MAD1L1: variants seen among roughly 807,000 people sequenced by gnomAD.
MAD1L1 encodes the protein mitotic arrest deficient 1 like 1.
Under a neutral mutation model 96.9 loss-of-function variants are expected in MAD1L1, and 95 were observed. The ratio of observed to expected loss-of-function variants is 0.98; its 90% CI spans 0.83 to 1.16. The LOEUF (loss-of-function observed/expected upper bound fraction) is 1.16, where lower values mean the gene tolerates loss of function less well. MAD1L1 is among the 50% of genes most tolerant of loss of function. The probability of loss-of-function intolerance (pLI) is 0.00; values close to 1 mark genes in which losing one functional copy is unlikely to be tolerated. For synonymous variants in MAD1L1, 473 were observed against 396.6 expected (o/e 1.19, Z -2.29); for missense variants, 1,007 against 954.4 (o/e 1.06, Z -0.73).
At chr7:1,954,791 G>A (rs149788502) in intron 16 of MAD1L1, among the ~76,000 whole-genome samples, 7 of 152,290 alleles carry the variant, frequency 4.6e-5, no homozygotes, top group African/African-American at 1.2e-4. Flanking sequence ...CCAGAAGCCC[G>A]GCCAGCCACC....
intron 14 of MAD1L1, among the ~76,000 whole-genome samples, chr7:1,998,946 C>A (rs987260548): frequency 1.3e-5 from 2 of 150,604 alleles, no homozygotes; most frequent in African/African-American, 4.9e-5. Flanking sequence ...TCCACAGAGT[C>A]CCCTAACCCC....
At chr7:1,921,071 C>T (rs546133405) in intron 17 of MAD1L1, among the ~76,000 whole-genome samples, 2 of 152,212 alleles carry the variant, frequency 1.3e-5, no homozygotes, top group African/African-American at 4.8e-5. Context: ...GACTCAGGAC[C>T]CCTGCCCAGC....
chr7:1,904,296 A>G (rs1787477404), intron 17 of MAD1L1, among the ~76,000 whole-genome samples: 1 of 147,480 alleles, frequency 6.8e-6, no homozygotes, highest in African/African-American at 2.6e-5. Flanking sequence ...TGGCCTATGG[A>G]AGACGCTCTT....
intron 11 of MAD1L1, among the ~76,000 whole-genome samples, chr7:2,125,934 C>T (rs1788210966): frequency 6.6e-6 from 1 of 152,252 alleles, no homozygotes; most frequent in Admixed American, 6.5e-5. Context: ...GCCAGTTGGC[C>T]CCTGGGCCTC....
At chr7:1,985,384 G>A (rs1781093127) in intron 14 of MAD1L1, among the ~76,000 whole-genome samples, 1 of 152,228 alleles carries the variant, frequency 6.6e-6, no homozygotes, top group Non-Finnish European at 1.5e-5. Context: ...CACAGCACAG[G>A]CTCTTCCAGG....
chr7:1,847,227 C>T lies in MAD1L1; in HGVS notation c.1999-30999G>A, dbSNP rs147924402. On this transcript the variant is annotated intron_variant, in intron 18 of 18. Transcript: ENST00000265854. ...AAGGCCACACATCTTTTCCAACTGA[C>T]GCTTGTCCTTTTCTGTTTAGGAAGC... 1,650 of 470,332 alleles carry T rather than the reference C, an allele frequency of 3.5e-3. 39 individuals are homozygous for T. Among genetic ancestry groups the T allele is most frequent in the South Asian group, 0.023 (1,501 of 64,472 alleles). 29.1% of individuals were successfully genotyped at this position (470,332 alleles called of 1,614,324 possible).
intron 10 of MAD1L1, among the ~76,000 whole-genome samples, chr7:2,159,748 T>C (rs1163689497): frequency 2.0e-5 from 3 of 152,204 alleles, no homozygotes; most frequent in Admixed American, 1.3e-4. Context: ...ACAGGTTAAA[T>C]GTCGTAGTCT....
rs372044141 is a variant in MAD1L1 at position 1,816,260 on chromosome 7, C to T, written c.1999-32G>A. 4.1e-5 allele frequency: 66 copies of T among 1,595,210 alleles called. 1 individual carries two copies. The highest frequency in any genetic ancestry group is 2.2e-4 in the South Asian group (19 of 88,188). On this transcript the variant is annotated intron_variant, in intron 18 of 18. Transcript: ENST00000265854. ...GGCAGTCAAGAAAGAGACAAGACAG[C>T]GGTCAGCCCGACAGGCCTCTCCCTC... is the stretch of plus-strand genomic sequence containing the variant.
intron 13 of MAD1L1, among the ~76,000 whole-genome samples, chr7:2,003,025 G>T (rs1781870935): frequency 6.6e-6 from 1 of 151,208 alleles, no homozygotes; most frequent in Non-Finnish European, 1.5e-5. Context: ...CGAGGCAGGG[G>T]GCCTTGTGAG....
At chr7:2,053,526 G>A (rs1784272425) in intron 12 of MAD1L1, among the ~76,000 whole-genome samples, 1 of 152,232 alleles carries the variant, frequency 6.6e-6, no homozygotes, top group Admixed American at 6.5e-5. Context: ...GTTCCGGGAA[G>A]TAGAGAAGCT....
intron 9 of MAD1L1, among the ~76,000 whole-genome samples, chr7:2,215,443 C>A (rs1005493816): frequency 2.0e-4 from 30 of 151,192 alleles, no homozygotes; most frequent in Non-Finnish European, 4.3e-4. Context: ...AAATCCAAAA[C>A]GGGTCTCCCC....
At chr7:2,009,520 C>T (rs1782195172) in intron 13 of MAD1L1, among the ~76,000 whole-genome samples, 1 of 152,224 alleles carries the variant, frequency 6.6e-6, no homozygotes, top group Non-Finnish European at 1.5e-5. Flanking sequence ...CAGGAGGCGG[C>T]ACACCACAGG....
chr7:2,086,807 G>C (rs926379913), intron 11 of MAD1L1, among the ~76,000 whole-genome samples: 3 of 152,104 alleles, frequency 2.0e-5, no homozygotes, highest in Non-Finnish European at 4.4e-5. Context: ...CACCTGCCTC[G>C]GCCTCCCAAA....
chr7:2,167,722 A>T (rs981246514), intron 10 of MAD1L1, among the ~76,000 whole-genome samples: 63 of 150,886 alleles, frequency 4.2e-4, no homozygotes, highest in African/African-American at 1.3e-3. Flanking sequence ...CTCATCTCTT[A>T]AAAAAATTAA....
chr7:1,944,843 G>A (rs1292144470), intron 16 of MAD1L1, among the ~76,000 whole-genome samples: 1 of 152,214 alleles, frequency 6.6e-6, no homozygotes, highest in African/African-American at 2.4e-5. Context: ...TGGCTTCTTG[G>A]AGCCTGCAGG....
chr7:2,207,242 A>G (rs1792646172), intron 10 of MAD1L1, among the ~76,000 whole-genome samples: 1 of 152,256 alleles, frequency 6.6e-6, no homozygotes, highest in East Asian at 1.9e-4. Flanking sequence ...ACTCTGAAAT[A>G]TATATTTGGT....
At chr7:2,008,543 G>A (rs967012934) in intron 13 of MAD1L1, among the ~76,000 whole-genome samples, 13 of 152,248 alleles carry the variant, frequency 8.5e-5, no homozygotes, top group Admixed American at 7.8e-4. Context: ...GTTCTGATGC[G>A]GAGATGGTGG....
rs934004243 is a variant in MAD1L1, at chr7:1,966,815, G to T, written c.1506-9096C>A. Among the ~76,000 whole-genome samples the T allele has an allele frequency of 2.2e-4, 34 of 152,398 alleles. No homozygotes were observed. In the East Asian group the frequency reaches 6.5e-3, roughly 29 times the overall value. Reference sequence around the variant, plus strand: ...ACGCCGCAATCGTGGCGTGCTGGGAGGCGAGGGCCGCGGGCCGCGCTGCGT... The same window carrying T: ...ACGCCGCAATCGTGGCGTGCTGGGATGCGAGGGCCGCGGGCCGCGCTGCGT... On this transcript the variant is annotated intron_variant, in intron 15 of 18. Coordinates refer to ENST00000265854, the MANE Select transcript of MAD1L1 (RefSeq NM_001013836.2).
intron 10 of MAD1L1, chr7:2,202,145 G>C (rs73041335): frequency 0.025 from 3,786 of 152,626 alleles, 83 homozygotes; most frequent in Middle Eastern, 0.051. Context: ...CTCTTCAAAG[G>C]CTCAGCACAC....
Sources: gnomAD v4.1 joint callset for allele counts (sites outside exome capture counted in the v4.1 genomes callset) on GRCh38, gnomAD v4.1.1 for gene constraint, MANE v1.5 for transcripts, NCBI Gene and HGNC (gene_info 2026-07-23, HGNC 2026-07-21) for gene names.